PPID: variants seen among roughly 807,000 people sequenced by gnomAD.
The protein encoded by PPID is peptidylprolyl isomerase D.
PPID carries 47 observed loss-of-function variants against 48.1 expected under a neutral mutation model. The ratio of observed to expected loss-of-function variants is 0.98; its 90% CI spans 0.77 to 1.25. The LOEUF (loss-of-function observed/expected upper bound fraction) is 1.25. Among genes scored for constraint, PPID ranks in the 50% most tolerant of loss-of-function variants. The pLI is 0.00. For missense variants in PPID, 429 were observed against 443.5 expected, an observed-to-expected ratio of 0.97 and a Z score of 0.29; for synonymous variants, 163 against 148.8, an observed-to-expected ratio of 1.10 and a Z score of -0.69.
At chr4:158,720,410 T>G (rs991429789) in intron 2 of PPID, among the ~76,000 whole-genome samples, 1 of 152,228 alleles carries the variant, frequency 6.6e-6, no homozygotes, top group Non-Finnish European at 1.5e-5. Context: ...ATGTTGCTCT[T>G]GTGATTATTG....
chr4:158,710,730 T>TA, intron 8 of PPID, 32 bp downstream of exon 8: 1 of 1,610,158 alleles, frequency 6.2e-7, no homozygotes, highest in African/African-American at 1.3e-5. Context: ...GTTGTCTATT[T>TA]TAAAAAATTA....
chr4:158,709,845 G>C (rs773992237), intron 9 of PPID, 21 bp from the exon 10 acceptor site: 1 of 1,561,268 alleles, frequency 6.4e-7, no homozygotes, highest in Admixed American at 1.7e-5. Flanking sequence ...AATATGCAAT[G>C]TGAGTTATTT....
At chr4:158,715,071 T>C (rs1472038451) in intron 6 of PPID, among the ~76,000 whole-genome samples, 1 of 152,150 alleles carries the variant, frequency 6.6e-6, no homozygotes, top group Non-Finnish European at 1.5e-5. Context: ...AAGTTAAAAA[T>C]TGGTGAATGT....
intron 1 of PPID, among the ~76,000 whole-genome samples, 183 bp from the exon 2 acceptor site, chr4:158,721,666 T>C (rs1294913596): frequency 6.6e-6 from 1 of 152,240 alleles, no homozygotes. Flanking sequence ...CATTATGTTA[T>C]ACAATAGATC....
chr4:158,714,592 CT>C (rs113579328), intron 6 of PPID, among the ~76,000 whole-genome samples: 8,581 of 141,816 alleles, frequency 0.061, 552 homozygotes, highest in African/African-American at 0.18. Flanking sequence ...ATATGGATTA[CT>C]TTTTTTTTTT....
At position 158,710,673 on chromosome 4, in the gene PPID, T is replaced by G; in HGVS notation, c.982-3A>C. On this transcript the variant is annotated splice_region_variant and splice_polypyrimidine_tract_variant and intron_variant, in intron 8 of 9. Coordinates refer to ENST00000307720, the MANE Select transcript of PPID (RefSeq NM_005038.3). ...CCCTGAGCTTTCTTAAGATCAGCCT[T>G]TAATTGGAAAAAAACATTTAAGTTA... 6.2e-7 allele frequency: 1 copy of G among 1,613,704 alleles called. No homozygotes were observed. The highest frequency in any genetic ancestry group is 8.5e-7 in the Non-Finnish European group (1 of 1,179,778).
chr4:158,709,828 TAAAATA>T lies in PPID; in HGVS notation c.1025-10_1025-5del, dbSNP rs1774751885. 1 of 1,594,358 alleles carries T rather than the reference TAAAATA, an allele frequency of 6.3e-7. No individual in the cohort carries two copies. The highest frequency in any genetic ancestry group is 1.7e-5 in the Admixed American group (1 of 59,738). ...TTCAGCAATTCTGCCTGGATAGCTG[TAAAATA>T]AATATGCAATGTGAGTTATTTCTCA... is the stretch of plus-strand genomic sequence containing the variant. On this transcript the variant is annotated splice_region_variant and splice_polypyrimidine_tract_variant and intron_variant, in intron 9 of 9. Transcript: ENST00000307720.
intron 6 of PPID, among the ~76,000 whole-genome samples, chr4:158,714,906 T>C (rs1349906237): frequency 6.6e-6 from 1 of 152,194 alleles, no homozygotes; most frequent in Non-Finnish European, 1.5e-5. Context: ...TGGATTGATA[T>C]TATCTATCAA....
chr4:158,723,138 A>G (rs1326262922), intron 1 of PPID, 66 bp downstream of exon 1: 1 of 1,477,302 alleles, frequency 6.8e-7, no homozygotes, highest in Non-Finnish European at 9.3e-7. Flanking sequence ...CCGCCCTTGG[A>G]ATCCCCCAAA....
chr4:158,713,762 G>C (rs1774826701), intron 6 of PPID, among the ~76,000 whole-genome samples: 1 of 115,544 alleles, frequency 8.7e-6, no homozygotes, highest in African/African-American at 3.5e-5. Flanking sequence ...GTGAAAGTAA[G>C]GTAAGATGAG....
At chr4:158,714,083 G>A (rs1168948027) in intron 6 of PPID, among the ~76,000 whole-genome samples, 2 of 152,048 alleles carry the variant, frequency 1.3e-5, no homozygotes, top group Non-Finnish European at 2.9e-5. Flanking sequence ...AAAATATGCG[G>A]GAGGCTCTTG....
chr4:158,717,241 G>C, intron 3 of PPID, 41 bp from the exon 4 acceptor site: 1 of 1,544,622 alleles, frequency 6.5e-7, no homozygotes, highest in Non-Finnish European at 8.8e-7. Flanking sequence ...GGTTAGATGT[G>C]TTCTTTTCTG....
chr4:158,716,794 T>A (rs1297221863), intron 4 of PPID, among the ~76,000 whole-genome samples: 1 of 151,940 alleles, frequency 6.6e-6, no homozygotes, highest in African/African-American at 2.4e-5. Flanking sequence ...CCCGTCTCTA[T>A]TAAAAATACA....
At chr4:158,722,844 T>C (rs1774985913) in intron 1 of PPID, among the ~76,000 whole-genome samples, 2 of 152,212 alleles carry the variant, frequency 1.3e-5, no homozygotes, top group African/African-American at 4.8e-5. Context: ...AGCAGACGCA[T>C]ATCCCAGGAT....
At chr4:158,716,954 G>A (rs141420593) in intron 4 of PPID, 58 bp downstream of exon 4, 36 of 1,534,972 alleles carry the variant, frequency 2.3e-5, no homozygotes, top group Middle Eastern at 1.9e-4. Flanking sequence ...TCGAGACTCC[G>A]TCTCAAAAAG....
chr4:158,720,707 T>C (rs1580433784), intron 2 of PPID, among the ~76,000 whole-genome samples: 1 of 141,316 alleles, frequency 7.1e-6, no homozygotes, highest in East Asian at 2.0e-4. Context: ...ATTTTTTTGT[T>C]TGTTTGTTTG....
chr4:158,718,982 T>C (rs1774913294), intron 3 of PPID, among the ~76,000 whole-genome samples, 198 bp downstream of exon 3: 2 of 152,200 alleles, frequency 1.3e-5, no homozygotes, highest in Admixed American at 1.3e-4. Flanking sequence ...TGGATCACAA[T>C]GAAATAATGC....
intron 7 of PPID, among the ~76,000 whole-genome samples, chr4:158,711,168 A>G (rs17843953): frequency 0.014 from 2,204 of 152,322 alleles, 52 homozygotes; most frequent in African/African-American, 0.048. Flanking sequence ...TACTTGAATT[A>G]TAAGTTTTTT....
chr4:158,717,880 T>C lies in PPID; in HGVS notation c.334-680A>G, dbSNP rs543919341. Among the ~76,000 whole-genome samples the C allele has an allele frequency of 1.3e-4, 20 of 152,362 alleles. No individual in the cohort carries two copies. The South Asian group carries it at 3.7e-3, about 28-fold the overall frequency. ...TGGCATAATCCTGTCAAAGGATCTATGAAACCCAATTTCTTAACCTTTTCA... is the reference window on the plus strand; with the variant it reads ...TGGCATAATCCTGTCAAAGGATCTACGAAACCCAATTTCTTAACCTTTTCA... On this transcript the variant is annotated intron_variant, in intron 3 of 9. Transcript: ENST00000307720.
Sources: allele counts gnomAD v4.1 joint callset (sites outside exome capture counted in the v4.1 genomes callset), GRCh38; gene constraint gnomAD v4.1.1; transcripts MANE v1.5; gene names NCBI Gene and HGNC (gene_info 2026-07-23, HGNC 2026-07-21).